MORF4L1: variants seen among roughly 807,000 people sequenced by gnomAD.
MORF4L1 encodes mortality factor 4-like protein 1.
In MORF4L1, 4 loss-of-function variants were observed where a neutral mutation model predicts 52.9. The ratio of observed to expected loss-of-function variants is 0.08; its 90% CI spans 0.04 to 0.17. The LOEUF is 0.17. MORF4L1 is among the 10% of genes least tolerant of loss of function. The pLI is 1.00. For synonymous variants in MORF4L1, 123 were observed against 134.8 expected (o/e 0.91, Z 0.61); for missense variants, 214 against 390.4 (o/e 0.55, Z 3.81).
At chr15:78,885,034 C>T in intron 3 of MORF4L1, 1 of 1,614,056 alleles carries the variant, frequency 6.2e-7, no homozygotes, top group Non-Finnish European at 8.5e-7. Flanking sequence ...AGCCCTTTTT[C>T]CTGTTCCTGA....
In MORF4L1 at chr15:78,889,003, A is replaced by G. The variant is rs561660730; in HGVS notation, c.323+1654A>G. On this transcript the variant is annotated intron_variant, in intron 5 of 11. Transcript: ENST00000426013. ...ATAGAAAAGATTTTTATCAAAAGTA[A>G]TAGTTCATAACTAATTCTTTATCAC... is the stretch of plus-strand genomic sequence containing the variant. Among the ~76,000 whole-genome samples the G allele has an allele frequency of 3.0e-4, 46 of 152,226 alleles. 1 individual carries two copies. Among genetic ancestry groups the G allele is most frequent in the Non-Finnish European group, 5.4e-4 (37 of 68,044 alleles).
chr15:78,896,294 T>C (rs2056886584), intron 11 of MORF4L1, among the ~76,000 whole-genome samples: 1 of 130,794 alleles, frequency 7.6e-6, no homozygotes, highest in Non-Finnish European at 1.5e-5. Flanking sequence ...TTTTTTTCTT[T>C]TTTCTTTTCT....
Position 78,897,219 on chromosome 15 carries a change from G to T in MORF4L1, c.*152G>T. 1.8e-6 allele frequency: 1 copy of T among 562,118 alleles called. No homozygotes were observed. Among genetic ancestry groups the T allele is most frequent in the East Asian group, 3.1e-5 (1 of 32,354 alleles). The allele number at this position is 562,118 out of a possible 1,614,324, so 34.8% of individuals were successfully genotyped here. ...TTTTAAACAGAGAAAAAATAAAAGGGGGTAATAGCTCCTTTTTTCTTCTTT... is the reference window on the plus strand; with the variant it reads ...TTTTAAACAGAGAAAAAATAAAAGGTGGTAATAGCTCCTTTTTTCTTCTTT... On this transcript the variant is annotated 3_prime_UTR_variant, in exon 12 of 12. Coordinates refer to ENST00000426013, the MANE Select transcript of MORF4L1 (RefSeq NM_006791.4).
At chr15:78,878,538 G>A (rs1384810400) in intron 2 of MORF4L1, among the ~76,000 whole-genome samples, 1 of 152,158 alleles carries the variant, frequency 6.6e-6, no homozygotes, top group Non-Finnish European at 1.5e-5. Context: ...GGAACAAAGA[G>A]CATTTTGTGG....
At chr15:78,892,516 G>C (rs1237585928) in intron 8 of MORF4L1, 1 of 452,642 alleles carries the variant, frequency 2.2e-6, no homozygotes, top group East Asian at 3.6e-5. Context: ...TAAATTTTAT[G>C]AGGTTATAAT....
intron 3 of MORF4L1, 53 bp downstream of exon 3, chr15:78,880,632 A>C: frequency 7.5e-7 from 1 of 1,339,884 alleles, no homozygotes. Flanking sequence ...AGCTTGTGTC[A>C]CTGACTGGCT....
In MORF4L1 at chr15:78,897,908, C is replaced by T. The variant is rs1320419500; in HGVS notation, c.*841C>T. 6.6e-6 allele frequency: 1 copy of T among 152,300 alleles called. No individual in the cohort carries two copies. Among genetic ancestry groups the T allele is most frequent in the African/African-American group, 2.4e-5 (1 of 41,422 alleles). The allele number at this position is 152,300 out of a possible 1,614,324, so 9.4% of individuals were successfully genotyped here. Reference sequence around the variant, plus strand: ...AATCCATAGCAGCTTTGGCAGTTTGCTGTCTTGAGTCTTAGCTAAAAAGTT... The same window carrying T: ...AATCCATAGCAGCTTTGGCAGTTTGTTGTCTTGAGTCTTAGCTAAAAAGTT... On this transcript the variant is annotated 3_prime_UTR_variant, in exon 12 of 12. Coordinates refer to ENST00000426013, the MANE Select transcript of MORF4L1 (RefSeq NM_006791.4).
intron 1 of MORF4L1, chr15:78,873,285 A>C (rs2056404627): frequency 7.2e-7 from 1 of 1,393,750 alleles, no homozygotes; most frequent in African/African-American, 1.5e-5. Flanking sequence ...TGGGAGAGAG[A>C]GCGTTTGGCG....
intron 1 of MORF4L1, among the ~76,000 whole-genome samples, chr15:78,873,515 G>C (rs1476877487): frequency 6.6e-6 from 1 of 152,124 alleles, no homozygotes; most frequent in East Asian, 1.9e-4. Context: ...GAGCCCCGGG[G>C]TGGTTGCGTT....
chr15:78,884,857 T>G (rs2056671029), intron 3 of MORF4L1: 1 of 608,250 alleles, frequency 1.6e-6, no homozygotes, highest in African/African-American at 1.9e-5. Context: ...CTCATTGGAA[T>G]TTGTTGACAC....
chr15:78,878,949 T>A (rs2056547003), intron 2 of MORF4L1, among the ~76,000 whole-genome samples: 1 of 152,226 alleles, frequency 6.6e-6, no homozygotes, highest in African/African-American at 2.4e-5. Flanking sequence ...GCATAAATTC[T>A]TGGTGAGTAG....
intron 3 of MORF4L1, among the ~76,000 whole-genome samples, chr15:78,883,172 A>G (rs191841600): frequency 6.0e-5 from 9 of 150,520 alleles, no homozygotes; most frequent in Middle Eastern, 3.4e-3. Context: ...CTGAGATTGC[A>G]CCACTGTATT....
chr15:78,892,964 C>G (rs2056825044), intron 8 of MORF4L1: 1 of 153,430 alleles, frequency 6.5e-6, no homozygotes, highest in African/African-American at 2.4e-5. Flanking sequence ...TATGCAGTTA[C>G]AGCTAAACTG....
chr15:78,893,990 G>A, intron 9 of MORF4L1, 68 bp from the exon 10 acceptor site: 6 of 1,396,938 alleles, frequency 4.3e-6, no homozygotes, highest in Non-Finnish European at 5.9e-6. Context: ...TCTTTAAATT[G>A]GTTGAATTAT....
intron 10 of MORF4L1, 55 bp from the exon 11 acceptor site, chr15:78,894,765 G>A: frequency 3.1e-6 from 4 of 1,298,126 alleles, no homozygotes; most frequent in Non-Finnish European, 4.5e-6. Flanking sequence ...AAAATACATG[G>A]TTGTAGTGCC....
intron 4 of MORF4L1, 110 bp from the exon 5 acceptor site, chr15:78,887,159 A>C: frequency 1.1e-6 from 1 of 897,110 alleles, no homozygotes; most frequent in Non-Finnish European, 1.8e-6. Flanking sequence ...CAACTTGTTA[A>C]AAACTTGTTG....
intron 2 of MORF4L1, among the ~76,000 whole-genome samples, chr15:78,880,217 C>G (rs1596241360): frequency 6.6e-6 from 1 of 152,168 alleles, no homozygotes; most frequent in East Asian, 1.9e-4. Flanking sequence ...TAGCTCCTGG[C>G]TGATTAGACT....
chr15:78,893,006 A>T (rs932942821), intron 8 of MORF4L1: 1 of 153,752 alleles, frequency 6.5e-6, no homozygotes. Context: ...ATCACTTATT[A>T]TTTGTGAGTT....
intron 1 of MORF4L1, among the ~76,000 whole-genome samples, chr15:78,875,589 T>C (rs569786129): frequency 1.3e-5 from 2 of 150,772 alleles, no homozygotes; most frequent in South Asian, 4.2e-4. Flanking sequence ...ACCAGCCTGG[T>C]CAGCCTGGTG....
Sources: gnomAD v4.1 joint callset for allele counts (sites outside exome capture counted in the v4.1 genomes callset) on GRCh38, gnomAD v4.1.1 for gene constraint, MANE v1.5 for transcripts, NCBI Gene and HGNC (gene_info 2026-07-23, HGNC 2026-07-21) for gene names.